Variants in SPPL3 observed in about 807,000 individuals in gnomAD.
The protein encoded by SPPL3 is signal peptide peptidase like 3.
Under a neutral mutation model 42.4 loss-of-function variants are expected in SPPL3, and 5 were observed. The observed-to-expected ratio is 0.12, with a 90% CI of 0.06 to 0.25. The LOEUF (loss-of-function observed/expected upper bound fraction) is 0.25. Ranked by LOEUF, SPPL3 falls within the 10% of genes least tolerant of loss-of-function variation. The probability of loss-of-function intolerance (pLI) is 1.00; values close to 1 mark genes in which losing one functional copy is unlikely to be tolerated. For missense variants in SPPL3, 235 were observed against 489.0 expected (o/e 0.48, Z 4.90); for synonymous variants, 195 against 181.8 (o/e 1.07, Z -0.58).
At position 120,766,174 on chromosome 12, in the gene SPPL3, G is replaced by A. The variant is rs1868896871; in HGVS notation, c.1083+89C>T. On this transcript the variant is annotated intron_variant, in intron 10 of 10. Coordinates refer to ENST00000353487, the MANE Select transcript of SPPL3 (RefSeq NM_139015.5). Reference sequence around the variant, plus strand: ...ATCACAAGCTCACTCAGGGGCTTAAGCAGAATCACCTCCAGCGAGGAGAGT... The same window carrying A: ...ATCACAAGCTCACTCAGGGGCTTAAACAGAATCACCTCCAGCGAGGAGAGT... The A allele has an allele frequency of 4.8e-6, 5 of 1,051,868 alleles. No individual in the cohort carries two copies. In the Admixed American group the frequency reaches 7.2e-5, roughly 15 times the overall value. The allele number at this position is 1,051,868 out of a possible 1,614,324, so 65.2% of individuals were successfully genotyped here. A position where few individuals can be genotyped will look rare whatever the true frequency, so the allele number is the denominator to read the frequency against.
At chr12:120,809,321 G>A (rs962471727) in intron 2 of SPPL3, among the ~76,000 whole-genome samples, 2 of 151,784 alleles carry the variant, frequency 1.3e-5, no homozygotes, top group Non-Finnish European at 2.9e-5. Context: ...CTCCAGCCTG[G>A]GCAACAGAGT....
chr12:120,876,976 A>G (rs1381732666), intron 1 of SPPL3, among the ~76,000 whole-genome samples: 3 of 152,110 alleles, frequency 2.0e-5, no homozygotes, highest in Non-Finnish European at 4.4e-5. Flanking sequence ...TAAACTGATC[A>G]GGAGAAAGGG....
chr12:120,774,561 C>G (rs560227376), intron 6 of SPPL3, among the ~76,000 whole-genome samples: 4 of 152,102 alleles, frequency 2.6e-5, no homozygotes, highest in Non-Finnish European at 5.9e-5. Context: ...CCTCCCCACT[C>G]TAGTCTAAGT....
chr12:120,828,470 G>C (rs762375062), intron 1 of SPPL3, among the ~76,000 whole-genome samples: 1 of 151,914 alleles, frequency 6.6e-6, no homozygotes, highest in Admixed American at 6.6e-5. Context: ...AAGTAATACA[G>C]AGCAGAAATC....
chr12:120,825,235 T>C (rs1398667531), intron 1 of SPPL3, among the ~76,000 whole-genome samples: 1 of 152,152 alleles, frequency 6.6e-6, no homozygotes, highest in Non-Finnish European at 1.5e-5. Flanking sequence ...AAATTAATAA[T>C]TGAAAAACTA....
intron 1 of SPPL3, among the ~76,000 whole-genome samples, chr12:120,846,884 TGGGTGGGAGTG>T (rs1872058301): frequency 1.3e-5 from 2 of 152,178 alleles, no homozygotes; most frequent in East Asian, 3.8e-4. Flanking sequence ...AGAGTTCATG[TGGGTGGGAGTG>T]TGGAGGTTTC....
At chr12:120,833,667 CAAAAAA>C (rs139441042) in intron 1 of SPPL3, among the ~76,000 whole-genome samples, 11 of 95,562 alleles carry the variant, frequency 1.2e-4, no homozygotes, top group Non-Finnish European at 1.9e-4. Context: ...TCCATCTCTC[CAAAAAA>C]AAAAAAAGAA....
intron 5 of SPPL3, among the ~76,000 whole-genome samples, chr12:120,783,178 C>T (rs1869600870): frequency 6.6e-6 from 1 of 152,198 alleles, no homozygotes; most frequent in Admixed American, 6.5e-5. Flanking sequence ...GCATCAGCTG[C>T]CACCAATGAC....
At chr12:120,898,313 T>A (rs866000835) in intron 1 of SPPL3, among the ~76,000 whole-genome samples, 4,952 of 98,312 alleles carry the variant, frequency 0.05, 108 homozygotes, top group African/African-American at 0.16. Flanking sequence ...TTTTTTTTTT[T>A]TAAAAAAAAA....
At position 120,853,443 on chromosome 12, in the gene SPPL3, T is replaced by C. The variant is rs533231389; in HGVS notation, c.24-42557A>G. 2.6e-5 allele frequency among the ~76,000 whole-genome samples: 4 copies of C among 152,186 alleles called. No individual in the cohort carries two copies. In the South Asian group the frequency reaches 8.3e-4, roughly 32 times the overall value. The stretch of plus-strand genomic sequence containing the variant: ...AAACATCTGACACCAAACGTAAAAT[T>C]TTTTCCTTAGTAACTTCTAAAAATG... On this transcript the variant is annotated intron_variant, in intron 1 of 10. Transcript: ENST00000353487.
chr12:120,831,200 T>G (rs991329916), intron 1 of SPPL3, among the ~76,000 whole-genome samples: 1 of 152,200 alleles, frequency 6.6e-6, no homozygotes, highest in African/African-American at 2.4e-5. Context: ...CTCAGGCCTT[T>G]GGACTTGGAC....
At chr12:120,865,473 CA>C (rs1457662983) in intron 1 of SPPL3, among the ~76,000 whole-genome samples, 1 of 152,150 alleles carries the variant, frequency 6.6e-6, no homozygotes, top group African/African-American at 2.4e-5. Context: ...AAAATGAGTA[CA>C]ATAGTATCTA....
intron 1 of SPPL3, among the ~76,000 whole-genome samples, chr12:120,897,142 C>A (rs1873832791): frequency 1.3e-5 from 2 of 152,144 alleles, no homozygotes; most frequent in Non-Finnish European, 2.9e-5. Flanking sequence ...AATGACACAT[C>A]ACAATCCAAT....
At chr12:120,824,818 G>A (rs1460567789) in intron 1 of SPPL3, among the ~76,000 whole-genome samples, 2 of 152,322 alleles carry the variant, frequency 1.3e-5, no homozygotes, top group Admixed American at 6.5e-5. Flanking sequence ...GATTACAAGC[G>A]TGAAGCTGCC....
In SPPL3 at chr12:120,854,541, AAT is replaced by A. The variant is rs371794095; in HGVS notation, c.24-43657_24-43656del. On this transcript the variant is annotated intron_variant, in intron 1 of 10. Transcript: ENST00000353487. ...TACACCTATAAATCACTAAAACAATAATTGATGAACAAGAGCCTGAGGTGCTA... is the reference window on the plus strand; with the variant it reads ...TACACCTATAAATCACTAAAACAATATGATGAACAAGAGCCTGAGGTGCTA... Among the ~76,000 whole-genome samples, 138 of 152,358 alleles carry A rather than the reference AAT, an allele frequency of 9.1e-4. 3 individuals carry two copies. The South Asian group carries it at 0.012, about 13-fold the overall frequency.
At chr12:120,856,312 G>A (rs1872455184) in intron 1 of SPPL3, among the ~76,000 whole-genome samples, 1 of 151,314 alleles carries the variant, frequency 6.6e-6, no homozygotes, top group South Asian at 2.1e-4. Context: ...ACAAAGAAGA[G>A]AAGGTTCTTT....
intron 1 of SPPL3, among the ~76,000 whole-genome samples, chr12:120,846,704 A>T (rs937478453): frequency 6.6e-6 from 1 of 151,032 alleles, no homozygotes; most frequent in Non-Finnish European, 1.5e-5. Context: ...TCACTTTTTT[A>T]AAATAAAAAA....
intron 2 of SPPL3, among the ~76,000 whole-genome samples, chr12:120,808,123 A>AGGCTGATACCT (rs1262905140): frequency 6.9e-6 from 1 of 145,310 alleles, no homozygotes; most frequent in Non-Finnish European, 1.5e-5. Context: ...TTCTTGAACC[A>AGGCTGATACCT]GGGTCTCACT....
intron 1 of SPPL3, among the ~76,000 whole-genome samples, chr12:120,851,203 G>T (rs1675413467): frequency 6.6e-6 from 1 of 152,126 alleles, no homozygotes; most frequent in African/African-American, 2.4e-5. Context: ...CAGTGATATA[G>T]TCAAAAAACT....
Sources: gnomAD v4.1 joint callset for allele counts (sites outside exome capture counted in the v4.1 genomes callset) on GRCh38, gnomAD v4.1.1 for gene constraint, MANE v1.5 for transcripts, NCBI Gene and HGNC (gene_info 2026-07-23, HGNC 2026-07-21) for gene names.